SLC17A6: variants seen among roughly 807,000 people sequenced by gnomAD.
SLC17A6 encodes solute carrier family 17 member 6, also known as vesicular glutamate transporter 2.
SLC17A6 carries 35 observed loss-of-function variants against 67.1 expected under a neutral mutation model. The ratio of observed to expected loss-of-function variants is 0.52; its 90% CI spans 0.40 to 0.69. The LOEUF (loss-of-function observed/expected upper bound fraction) is 0.69. SLC17A6 is among the 30% of genes least tolerant of loss of function. The pLI is 0.00. For synonymous variants in SLC17A6, 285 were observed against 252.3 expected, an observed-to-expected ratio of 1.13 and a Z score of -1.23; for missense variants, 588 against 723.9, an observed-to-expected ratio of 0.81 and a Z score of 2.15.
At chr11:22,373,277 C>T (rs984131844) in intron 8 of SLC17A6, among the ~76,000 whole-genome samples, 1 of 152,060 alleles carries the variant, frequency 6.6e-6, no homozygotes, top group East Asian at 1.9e-4. Flanking sequence ...TTTTAGCCTG[C>T]CTTTATAAAT....
intron 3 of SLC17A6, among the ~76,000 whole-genome samples, chr11:22,355,492 A>G (rs953902531): frequency 6.6e-6 from 1 of 151,634 alleles, no homozygotes; most frequent in Admixed American, 6.6e-5. Context: ...TGGCTTTTAG[A>G]CCCCTCTCTC....
intron 2 of SLC17A6, chr11:22,342,835 G>C: frequency 2.6e-6 from 1 of 388,448 alleles, no homozygotes. Context: ...AAGTCTCCAG[G>C]GTTGGAAGTC....
At chr11:22,339,493 C>T (rs560254842) in intron 1 of SLC17A6, among the ~76,000 whole-genome samples, 2 of 152,006 alleles carry the variant, frequency 1.3e-5, no homozygotes, top group South Asian at 4.2e-4. Flanking sequence ...TTATTTAATC[C>T]TCCTGTAGTC....
intron 4 of SLC17A6, 63 bp downstream of exon 4, chr11:22,359,590 C>T: frequency 7.2e-6 from 7 of 973,490 alleles, no homozygotes; most frequent in Non-Finnish European, 1.0e-5. Flanking sequence ...ACCAGTTTAT[C>T]TTTGTCTTTA....
At chr11:22,365,458 A>G (rs1856100612) in intron 6 of SLC17A6, 89 bp from the exon 7 acceptor site, 1 of 1,337,040 alleles carries the variant, frequency 7.5e-7, no homozygotes, top group Non-Finnish European at 1.1e-6. Context: ...TTCTAATAGA[A>G]TATGTTTGTC....
intron 3 of SLC17A6, among the ~76,000 whole-genome samples, chr11:22,349,491 G>T (rs1330251753): frequency 6.6e-6 from 1 of 152,172 alleles, no homozygotes; most frequent in Non-Finnish European, 1.5e-5. Context: ...CATGTACTTT[G>T]CCGATAAGAG....
rs2133882220 is a variant in SLC17A6 at position 22,379,421 on chromosome 11, T to C, written c.*1681T>C. 6.5e-6 allele frequency: 1 copy of C among 152,702 alleles called. No homozygotes were observed. Among genetic ancestry groups the C allele is most frequent in the East Asian group, 1.9e-4 (1 of 5,176 alleles). The allele number at this position is 152,702 out of a possible 1,614,324, so 9.5% of individuals were successfully genotyped here. A position where few individuals can be genotyped will look rare whatever the true frequency, so the allele number is the denominator to read the frequency against. Reference sequence around the variant, plus strand: ...TGTAATGTGATCACAGCTTTTGTTGTGTTGAATGAAAATATGTGGACTGTC... The same window carrying C: ...TGTAATGTGATCACAGCTTTTGTTGCGTTGAATGAAAATATGTGGACTGTC... On this transcript the variant is annotated 3_prime_UTR_variant, in exon 12 of 12. Coordinates refer to ENST00000263160, the MANE Select transcript of SLC17A6 (RefSeq NM_020346.3).
rs764743420 is a variant in SLC17A6 at position 22,379,079 on chromosome 11, T to A, written c.*1339T>A. On this transcript the variant is annotated 3_prime_UTR_variant, in exon 12 of 12. Transcript: ENST00000263160. ...AAGCAATAAGTGCAATGCATAAAAT[T>A]TCCTGTCTGTATATTACCTTCATTT... is the stretch of plus-strand genomic sequence containing the variant. The A allele has an allele frequency of 3.3e-5, 5 of 152,542 alleles. No homozygotes were observed. The highest frequency in any genetic ancestry group is 5.9e-5 in the Non-Finnish European group (4 of 67,984). 9.4% of individuals were successfully genotyped at this position (152,542 alleles called of 1,614,324 possible).
intron 3 of SLC17A6, among the ~76,000 whole-genome samples, chr11:22,357,974 G>T (rs1023235799): frequency 6.6e-6 from 1 of 152,104 alleles, no homozygotes; most frequent in Non-Finnish European, 1.5e-5. Flanking sequence ...AAATTATTTG[G>T]CTAGTATATA....
At chr11:22,351,810 G>T (rs967302173) in intron 3 of SLC17A6, among the ~76,000 whole-genome samples, 27 of 152,066 alleles carry the variant, frequency 1.8e-4, no homozygotes, top group Non-Finnish European at 3.4e-4. Context: ...TTTTAATGAT[G>T]AACATCATTT....
intron 3 of SLC17A6, among the ~76,000 whole-genome samples, chr11:22,348,569 G>T (rs1219292318): frequency 6.6e-6 from 1 of 152,188 alleles, no homozygotes; most frequent in African/African-American, 2.4e-5. Flanking sequence ...CACCTTGTCA[G>T]TTTGGGCTCT....
At position 22,343,259 on chromosome 11, in the gene SLC17A6, A is replaced by C; in HGVS notation, c.352A>C (p.Asn118His). ...GKVIKEKAKF[N>H]WDPETVGMIH... is the part of the protein sequence containing the mutation. ...TACCCCTCCATAGAAAGCCAAATTC[A>C]ACTGGGACCCGGAAACCGTGGGGAT... Residue 118 changes from asparagine (N) to histidine (H), a missense_variant, in exon 3 of 12, where the codon AAC (asparagine) becomes CAC (histidine). Asn to His is a moderately conservative substitution (Grantham distance 68). Transcript: ENST00000263160. 1 of 1,613,672 alleles carries C rather than the reference A, an allele frequency of 6.2e-7. No individual in the cohort carries two copies. The highest frequency in any genetic ancestry group is 8.5e-7 in the Non-Finnish European group (1 of 1,179,882).
intron 3 of SLC17A6, among the ~76,000 whole-genome samples, chr11:22,347,065 G>T (rs1163867563): frequency 6.6e-6 from 1 of 150,830 alleles, no homozygotes; most frequent in African/African-American, 2.4e-5. Context: ...TTTTTACATG[G>T]CACTTATCAC....
chr11:22,357,562 G>A (rs2665696), intron 3 of SLC17A6, among the ~76,000 whole-genome samples: 11 of 152,046 alleles, frequency 7.2e-5, no homozygotes, highest in Admixed American at 1.3e-4. Flanking sequence ...GGTTATCTAC[G>A]CCCAAATTTC....
intron 7 of SLC17A6, among the ~76,000 whole-genome samples, chr11:22,368,354 T>G (rs989036010): frequency 2.6e-5 from 4 of 152,012 alleles, no homozygotes; most frequent in African/African-American, 9.7e-5. Flanking sequence ...TTTAAATCTG[T>G]TTTTCTTTAA....
intron 6 of SLC17A6, among the ~76,000 whole-genome samples, chr11:22,364,762 C>T (rs1856090625): frequency 6.6e-6 from 1 of 152,048 alleles, no homozygotes; most frequent in Admixed American, 6.6e-5. Flanking sequence ...GAATAAATCA[C>T]TTGAGATTCT....
chr11:22,375,139 A>G (rs1350836515), intron 9 of SLC17A6, among the ~76,000 whole-genome samples: 1 of 152,022 alleles, frequency 6.6e-6, no homozygotes, highest in Non-Finnish European at 1.5e-5. Context: ...TTGGGAGGCC[A>G]AGGTGGGTGG....
chr11:22,347,625 T>A (rs1337424830), intron 3 of SLC17A6, among the ~76,000 whole-genome samples: 1 of 152,230 alleles, frequency 6.6e-6, no homozygotes, highest in Non-Finnish European at 1.5e-5. Flanking sequence ...CCTTTTTTCA[T>A]GAGTCATATT....
intron 7 of SLC17A6, 122 bp from the exon 8 acceptor site, chr11:22,369,917 A>C (rs529979253): frequency 3.5e-6 from 3 of 845,970 alleles, no homozygotes; most frequent in Admixed American, 6.7e-5. Flanking sequence ...GCTTCACTAC[A>C]TCTTCCTACT....
Sources: allele counts gnomAD v4.1 joint callset (sites outside exome capture counted in the v4.1 genomes callset), GRCh38; gene constraint gnomAD v4.1.1; transcripts MANE v1.5; gene names NCBI Gene and HGNC (gene_info 2026-07-23, HGNC 2026-07-21).